SPINK13: variants seen among roughly 807,000 people sequenced by gnomAD.
SPINK13 encodes serine peptidase inhibitor Kazal type 13.
SPINK13 carries 11 observed loss-of-function variants against 11.0 expected under a neutral mutation model. The ratio of observed to expected loss-of-function variants is 1.00; its 90% CI spans 0.63 to 1.65. The LOEUF is 1.65. Ranked by LOEUF, SPINK13 falls within the 40% of genes most tolerant of loss-of-function variation. The probability of loss-of-function intolerance (pLI) is 0.00; values close to 1 mark genes in which losing one functional copy is unlikely to be tolerated. For missense variants in SPINK13, 113 were observed against 117.7 expected (o/e 0.96, Z 0.19); for synonymous variants, 31 against 35.6 (o/e 0.87, Z 0.46).
Position 148,285,971 on chromosome 5 carries a change from C to G in SPINK13, c.237-29C>G, listed in dbSNP as rs772671614. 75 of 1,314,452 alleles carry G rather than the reference C, an allele frequency of 5.7e-5. No homozygotes were observed. The highest frequency in any genetic ancestry group is 6.0e-5 in the Non-Finnish European group (57 of 948,118). 81.4% of individuals were successfully genotyped at this position (1,314,452 alleles called of 1,614,324 possible). On this transcript the variant is annotated intron_variant, in intron 4 of 4. Coordinates refer to ENST00000398450, the MANE Select transcript of SPINK13 (RefSeq NM_001040129.3). ...ACCAATGTTCACTTTCCTTATGATA[C>G]TAATCTTCTTTTTTTCTCTTCTCTT...
chr5:148,282,358 C>T, intron 4 of SPINK13, 127 bp downstream of exon 4: 1 of 1,158,444 alleles, frequency 8.6e-7, no homozygotes, highest in Non-Finnish European at 1.2e-6. Flanking sequence ...TCATTATTTA[C>T]AAAAACTGGG....
chr5:148,273,088 G>T (rs550858483), intron 2 of SPINK13, among the ~76,000 whole-genome samples: 1 of 152,092 alleles, frequency 6.6e-6, no homozygotes, highest in Admixed American at 6.5e-5. Flanking sequence ...TTCCTTTAGA[G>T]ATTTAAGGGT....
chr5:148,274,526 T>A, intron 3 of SPINK13, 142 bp downstream of exon 3: 1 of 638,554 alleles, frequency 1.6e-6, no homozygotes, highest in Non-Finnish European at 2.7e-6. Flanking sequence ...GGCAGGAGGA[T>A]CACCTGAGCC....
intron 3 of SPINK13, among the ~76,000 whole-genome samples, chr5:148,279,271 C>G (rs558984689): frequency 6.5e-4 from 99 of 151,912 alleles, no homozygotes; most frequent in African/African-American, 2.3e-3. Context: ...GCATTTAGCC[C>G]ATTTACATTT....
chr5:148,280,363 C>T (rs535611674), intron 3 of SPINK13, among the ~76,000 whole-genome samples: 4 of 152,230 alleles, frequency 2.6e-5, no homozygotes, highest in African/African-American at 9.6e-5. Flanking sequence ...GGAGAAGAGG[C>T]TTTCTGAGCT....
chr5:148,283,056 C>G (rs1756540943), intron 4 of SPINK13, among the ~76,000 whole-genome samples: 1 of 152,106 alleles, frequency 6.6e-6, no homozygotes, highest in Admixed American at 6.6e-5. Flanking sequence ...GAGGTGGAGT[C>G]CCCGAGAGAG....
intron 2 of SPINK13, among the ~76,000 whole-genome samples, chr5:148,273,567 A>C (rs1756381029): frequency 1.3e-5 from 2 of 152,144 alleles, no homozygotes; most frequent in South Asian, 4.1e-4. Flanking sequence ...AGTAGATAAA[A>C]GCATTCTATC....
chr5:148,272,181 C>T (rs1331450802), intron 2 of SPINK13, among the ~76,000 whole-genome samples: 4 of 152,082 alleles, frequency 2.6e-5, no homozygotes, highest in Admixed American at 6.5e-5. Flanking sequence ...TAGAAATATT[C>T]TTATACATGT....
intron 3 of SPINK13, among the ~76,000 whole-genome samples, chr5:148,281,574 G>A (rs1756515359): frequency 6.6e-6 from 1 of 152,104 alleles, no homozygotes; most frequent in African/African-American, 2.4e-5. Context: ...CGGGTGAGGT[G>A]GCGCCCCACT....
chr5:148,280,288 A>AT (rs1359288823), intron 3 of SPINK13, among the ~76,000 whole-genome samples: 1 of 152,066 alleles, frequency 6.6e-6, no homozygotes, highest in African/African-American at 2.4e-5. Flanking sequence ...ACTTCTGTCA[A>AT]TTTGTCAAAC....
Position 148,282,171 on chromosome 5 carries a change from CTGTT to C in SPINK13, c.180_183del (p.Cys61ProfsTer24). 1 of 1,614,198 alleles carries C rather than the reference CTGTT, an allele frequency of 6.2e-7. No homozygotes were observed. Among genetic ancestry groups the C allele is most frequent in the Non-Finnish European group, 8.5e-7 (1 of 1,180,038 alleles). On this transcript the variant is annotated frameshift_variant, in exon 4 of 5. Coordinates refer to ENST00000398450, the MANE Select transcript of SPINK13 (RefSeq NM_001040129.3). LOFTEE classifies it high-confidence loss of function. ...GCAGACTGCCCCAATGTGACAGCAC[CTGTT>C]TGTGCCTCAAATGGCCACACTTTCC...
chr5:148,275,467 T>C (rs1006732309), intron 3 of SPINK13, among the ~76,000 whole-genome samples: 1 of 152,184 alleles, frequency 6.6e-6, no homozygotes, highest in African/African-American at 2.4e-5. Context: ...TTTTTTATAA[T>C]AGAATGATTT....
intron 3 of SPINK13, among the ~76,000 whole-genome samples, chr5:148,280,209 T>C (rs1335291097): frequency 1.3e-5 from 2 of 152,118 alleles, no homozygotes; most frequent in Non-Finnish European, 2.9e-5. Flanking sequence ...GTTCTTAGCT[T>C]TCTTGCTTTG....
intron 3 of SPINK13, among the ~76,000 whole-genome samples, chr5:148,280,800 G>A (rs1338872342): frequency 6.6e-6 from 1 of 152,238 alleles, no homozygotes; most frequent in Non-Finnish European, 1.5e-5. Flanking sequence ...CCTTAGCTGA[G>A]CTCAAGCACT....
At chr5:148,281,345 C>T (rs1271001962) in intron 3 of SPINK13, among the ~76,000 whole-genome samples, 1 of 152,140 alleles carries the variant, frequency 6.6e-6, no homozygotes, top group African/African-American at 2.4e-5. Context: ...AAAAAAAACT[C>T]CTGCAATTAG....
At chr5:148,274,216 C>A in intron 2 of SPINK13, 131 bp from the exon 3 acceptor site, 1 of 539,756 alleles carries the variant, frequency 1.9e-6, no homozygotes, top group South Asian at 3.4e-5. Context: ...AATTCTATTG[C>A]TATTAAAATT....
At chr5:148,282,954 C>T (rs1756539688) in intron 4 of SPINK13, among the ~76,000 whole-genome samples, 1 of 152,098 alleles carries the variant, frequency 6.6e-6, no homozygotes, top group African/African-American at 2.4e-5. Context: ...TTCAGGAGGA[C>T]TCATAAAACT....
intron 1 of SPINK13, 33 bp from the exon 2 acceptor site, chr5:148,270,007 G>T (rs1756326147): frequency 2.0e-6 from 3 of 1,510,900 alleles, no homozygotes; most frequent in African/African-American, 2.7e-5. Flanking sequence ...TAGCTGTGGG[G>T]GAAACTAAAA....
intron 3 of SPINK13, among the ~76,000 whole-genome samples, chr5:148,281,849 C>G (rs570244981): frequency 6.6e-6 from 1 of 152,264 alleles, no homozygotes; most frequent in South Asian, 2.1e-4. Flanking sequence ...CATAAACATC[C>G]TACTGGAACT....
Sources: gnomAD v4.1 joint callset for allele counts (sites outside exome capture counted in the v4.1 genomes callset) on GRCh38, gnomAD v4.1.1 for gene constraint, MANE v1.5 for transcripts, NCBI Gene and HGNC (gene_info 2026-07-23, HGNC 2026-07-21) for gene names.